Variants in SLC8A3 observed in about 807,000 individuals in gnomAD.
The protein encoded by SLC8A3 is sodium/calcium exchanger 3.
Under a neutral mutation model 65.4 loss-of-function variants are expected in SLC8A3, and 37 were observed. That is an observed-to-expected ratio of 0.57 (90% CI 0.44 to 0.74). The LOEUF (loss-of-function observed/expected upper bound fraction) is 0.74. Ranked by LOEUF, SLC8A3 falls within the 30% of genes least tolerant of loss-of-function variation. The probability of loss-of-function intolerance (pLI) is 0.00; values close to 1 mark genes in which losing one functional copy is unlikely to be tolerated. For missense variants in SLC8A3, 1,112 were observed against 1,172.1 expected, an observed-to-expected ratio of 0.95 and a Z score of 0.75; for synonymous variants, 461 against 444.5, an observed-to-expected ratio of 1.04 and a Z score of -0.47.
At chr14:70,170,102 T>TA (rs1342646059) in intron 1 of SLC8A3, among the ~76,000 whole-genome samples, 2 of 152,242 alleles carry the variant, frequency 1.3e-5, no homozygotes, top group Admixed American at 6.5e-5. Context: ...AATCTTTTTT[T>TA]AAAAAAACAA....
intron 2 of SLC8A3, among the ~76,000 whole-genome samples, chr14:70,163,373 G>A (rs1896988553): frequency 6.6e-6 from 1 of 152,198 alleles, no homozygotes; most frequent in Non-Finnish European, 1.5e-5. Context: ...CTTTGAAGAA[G>A]TAAAGCATAA....
intron 2 of SLC8A3, among the ~76,000 whole-genome samples, chr14:70,109,150 C>T (rs1414369811): frequency 6.7e-6 from 1 of 148,364 alleles, no homozygotes; most frequent in Non-Finnish European, 1.5e-5. Flanking sequence ...TTTTTATTAC[C>T]ATTGCATCCT....
At chr14:70,103,862 CAATT>C (rs1892689414) in intron 2 of SLC8A3, among the ~76,000 whole-genome samples, 1 of 151,926 alleles carries the variant, frequency 6.6e-6, no homozygotes, top group African/African-American at 2.4e-5. Context: ...AATCAAGACA[CAATT>C]AACTGCATAC....
chr14:70,142,277 A>G (rs1335959254), intron 2 of SLC8A3, among the ~76,000 whole-genome samples: 1 of 152,248 alleles, frequency 6.6e-6, no homozygotes, highest in Non-Finnish European at 1.5e-5. Flanking sequence ...CAGAGCTCAG[A>G]AAAGGAATTT....
chr14:70,108,611 C>T (rs1212853053), intron 2 of SLC8A3, among the ~76,000 whole-genome samples: 2 of 152,064 alleles, frequency 1.3e-5, no homozygotes, highest in Non-Finnish European at 2.9e-5. Context: ...TCTCACACAG[C>T]GTTTGGCAGG....
chr14:70,137,556 A>G (rs997639650), intron 2 of SLC8A3, among the ~76,000 whole-genome samples: 3 of 152,230 alleles, frequency 2.0e-5, no homozygotes, highest in African/African-American at 7.2e-5. Flanking sequence ...CTAATTCGCA[A>G]TTTGTGAAAA....
At chr14:70,056,165 C>T (rs139179344) in intron 3 of SLC8A3, among the ~76,000 whole-genome samples, 79 of 152,288 alleles carry the variant, frequency 5.2e-4, no homozygotes, top group Non-Finnish European at 1.1e-3. Flanking sequence ...TTATCACATC[C>T]ATTCTGTAAA....
chr14:70,049,574 T>A (rs1408892292), intron 5 of SLC8A3, among the ~76,000 whole-genome samples: 1 of 151,758 alleles, frequency 6.6e-6, no homozygotes, highest in Non-Finnish European at 1.5e-5. Context: ...GGCACGTGTA[T>A]ACCTATGTAA....
At chr14:70,118,193 A>G (rs767277201) in intron 2 of SLC8A3, among the ~76,000 whole-genome samples, 3 of 152,208 alleles carry the variant, frequency 2.0e-5, no homozygotes, top group Non-Finnish European at 2.9e-5. Context: ...CCCTTTATGT[A>G]TCCTGCTCTT....
Position 70,168,455 on chromosome 14 carries a change from C to T in SLC8A3, c.-33G>A. On this transcript the variant is annotated 5_prime_UTR_variant, in exon 2 of 7. Coordinates refer to ENST00000356921, the MANE Select transcript of SLC8A3 (RefSeq NM_182932.3). ...ACTTAGCCACTGGCTTCTATTGCAGCACCAGTTGTCCTCCTGATAGGCCAG... is the reference window on the plus strand; with the variant it reads ...ACTTAGCCACTGGCTTCTATTGCAGTACCAGTTGTCCTCCTGATAGGCCAG... The T allele has an allele frequency of 6.4e-7, 1 of 1,555,534 alleles. No individual in the cohort carries two copies. The highest frequency in any genetic ancestry group is 8.8e-7 in the Non-Finnish European group (1 of 1,137,260).
chr14:70,137,345 G>A (rs946403010), intron 2 of SLC8A3, among the ~76,000 whole-genome samples: 2 of 151,944 alleles, frequency 1.3e-5, no homozygotes, highest in African/African-American at 4.8e-5. Context: ...TAGGGACAGG[G>A]TTTCACCATG....
intron 2 of SLC8A3, among the ~76,000 whole-genome samples, chr14:70,102,039 G>A (rs1240609422): frequency 6.6e-6 from 1 of 152,198 alleles, no homozygotes; most frequent in African/African-American, 2.4e-5. Flanking sequence ...TTTCCTGCAA[G>A]TCTTTGGCTG....
chr14:70,067,172 C>T (rs1889519205), intron 2 of SLC8A3, among the ~76,000 whole-genome samples: 2 of 151,804 alleles, frequency 1.3e-5, no homozygotes, highest in Admixed American at 6.6e-5. Flanking sequence ...TTGCTATCCC[C>T]TCTGCCTGGG....
At chr14:70,151,571 T>C (rs1267684608) in intron 2 of SLC8A3, among the ~76,000 whole-genome samples, 1 of 152,262 alleles carries the variant, frequency 6.6e-6, no homozygotes, top group African/African-American at 2.4e-5. Context: ...GACATAATTG[T>C]GAGGCCCTTG....
chr14:70,152,582 G>C (rs1300479830), intron 2 of SLC8A3, among the ~76,000 whole-genome samples: 2 of 151,890 alleles, frequency 1.3e-5, no homozygotes, highest in African/African-American at 4.8e-5. Flanking sequence ...AAGACCAAGG[G>C]ATTTAGCCAT....
chr14:70,100,663 AG>A (rs755522949), intron 2 of SLC8A3, among the ~76,000 whole-genome samples: 2 of 152,248 alleles, frequency 1.3e-5, no homozygotes, highest in Admixed American at 6.5e-5. Context: ...GGGCATAAAA[AG>A]CCTACATGAT....
At chr14:70,111,004 T>A (rs1334968103) in intron 2 of SLC8A3, among the ~76,000 whole-genome samples, 1 of 152,184 alleles carries the variant, frequency 6.6e-6, no homozygotes, top group Non-Finnish European at 1.5e-5. Flanking sequence ...CATATACTGA[T>A]TTCCTCTCTT....
At chr14:70,097,663 C>A (rs1892279006) in intron 2 of SLC8A3, among the ~76,000 whole-genome samples, 1 of 152,152 alleles carries the variant, frequency 6.6e-6, no homozygotes, top group Non-Finnish European at 1.5e-5. Context: ...GTTCAATAAA[C>A]ATTAGCTGTG....
intron 2 of SLC8A3, among the ~76,000 whole-genome samples, chr14:70,082,494 T>C (rs1418173628): frequency 1.3e-5 from 2 of 152,312 alleles, no homozygotes; most frequent in African/African-American, 4.8e-5. Context: ...ACATATTTAT[T>C]ATGTAAGCCC....
Sources: allele counts gnomAD v4.1 joint callset (sites outside exome capture counted in the v4.1 genomes callset), GRCh38; gene constraint gnomAD v4.1.1; transcripts MANE v1.5; gene names NCBI Gene and HGNC (gene_info 2026-07-23, HGNC 2026-07-21).